Variants in GRIA3 observed in about 807,000 individuals in gnomAD.
GRIA3 encodes glutamate ionotropic receptor AMPA type subunit 3.
Under a neutral mutation model 63.0 loss-of-function variants are expected in GRIA3, and 3 were observed. The ratio of observed to expected loss-of-function variants is 0.05; its 90% confidence interval spans 0.02 to 0.12. The LOEUF (loss-of-function observed/expected upper bound fraction) is 0.12. Ranked by LOEUF, GRIA3 falls within the 10% of genes least tolerant of loss-of-function variation. The probability of loss-of-function intolerance (pLI) is 1.00; values close to 1 mark genes in which losing one functional copy is unlikely to be tolerated. For missense variants in GRIA3, 347 were observed against 700.9 expected (o/e 0.50, Z 5.70); for synonymous variants, 274 against 257.9 (o/e 1.06, Z -0.60).
At position 123,396,458 on chromosome X, in the gene GRIA3, G is replaced by A. The variant is rs190626473; in HGVS notation, c.912+1329G>A. ...TTAAATGGTACCCTGTGGTTGTAGC[G>A]ATTATGCCTGCCAGATTTTTCCAAG... On this transcript the variant is annotated intron_variant, in intron 6 of 15. Transcript: ENST00000620443. 1.3e-3 allele frequency among the ~76,000 whole-genome samples: 144 copies of A among 110,399 alleles called. 1 individual carries two copies. Among genetic ancestry groups the A allele is most frequent in the African/African-American group, 4.6e-3 (141 of 30,427 alleles).
At chrX:123,415,176 G>C (rs2045530088) in intron 10 of GRIA3, among the ~76,000 whole-genome samples, 1 of 112,003 alleles carries the variant, frequency 8.9e-6, no homozygotes, top group Non-Finnish European at 1.9e-5. Flanking sequence ...GACCAGTGAT[G>C]ATGAGCATTT....
intron 12 of GRIA3, among the ~76,000 whole-genome samples, chrX:123,456,002 A>C (rs935257059): frequency 9.0e-6 from 1 of 111,730 alleles, no homozygotes; most frequent in African/African-American, 3.3e-5. Flanking sequence ...GCAAGCACAC[A>C]GCTTTTTTCA....
intron 2 of GRIA3, among the ~76,000 whole-genome samples, chrX:123,197,796 G>A (rs1214517364): frequency 8.9e-6 from 1 of 112,516 alleles, no homozygotes; most frequent in Non-Finnish European, 1.9e-5. Context: ...CTTACTAGCT[G>A]TGAGACCTTG....
chrX:123,458,540 C>A (rs781565676), intron 12 of GRIA3, among the ~76,000 whole-genome samples: 1 of 111,555 alleles, frequency 9.0e-6, no homozygotes, highest in African/African-American at 3.3e-5. Context: ...GAAGCTATCA[C>A]TTCACCGGGT....
At chrX:123,229,016 G>C (rs984391328) in intron 2 of GRIA3, among the ~76,000 whole-genome samples, 3 of 111,420 alleles carry the variant, frequency 2.7e-5, no homozygotes, top group Non-Finnish European at 5.7e-5. Flanking sequence ...GGAATTTCTC[G>C]CTGGGGTTGA....
At chrX:123,188,943 G>A (rs1927350592) in intron 2 of GRIA3, among the ~76,000 whole-genome samples, 2 of 111,936 alleles carry the variant, frequency 1.8e-5, no homozygotes, top group Admixed American at 9.4e-5. Flanking sequence ...GTTTCCTTGC[G>A]ATGAATCCCA....
chrX:123,238,643 C>G lies in GRIA3; in HGVS notation c.269-14660C>G, dbSNP rs185528329. The stretch of plus-strand genomic sequence containing the variant: ...GTTTCATTTATTTTTAATGCTAGGT[C>G]ATGACTCACTACATTGATTTCATAA... On this transcript the variant is annotated intron_variant, in intron 2 of 15. Transcript: ENST00000620443. 2.6e-3 allele frequency among the ~76,000 whole-genome samples: 294 copies of G among 112,223 alleles called. 2 individuals carry two copies. Among genetic ancestry groups the G allele is most frequent in the African/African-American group, 9.3e-3 (288 of 30,904 alleles).
intron 3 of GRIA3, among the ~76,000 whole-genome samples, chrX:123,321,739 A>G (rs1454253556): frequency 8.9e-6 from 1 of 112,176 alleles, no homozygotes; most frequent in African/African-American, 3.2e-5. Flanking sequence ...GTCACAGATG[A>G]ATCCCCCAGA....
At chrX:123,409,287 C>T (rs1025448438) in intron 10 of GRIA3, among the ~76,000 whole-genome samples, 1 of 111,951 alleles carries the variant, frequency 8.9e-6, no homozygotes, top group African/African-American at 3.3e-5. Context: ...GAAGAAAGCT[C>T]TGCAAGGGAG....
intron 5 of GRIA3, among the ~76,000 whole-genome samples, chrX:123,362,678 T>C (rs2045183567): frequency 9.2e-6 from 1 of 109,018 alleles, no homozygotes; most frequent in Admixed American, 9.8e-5. Context: ...TGGATGAGTT[T>C]TATGTGATAT....
intron 5 of GRIA3, among the ~76,000 whole-genome samples, chrX:123,365,228 T>A: frequency 9.0e-6 from 1 of 111,234 alleles, no homozygotes; most frequent in Non-Finnish European, 1.9e-5. Flanking sequence ...ATGTACACAA[T>A]TATGATTTGT....
intron 5 of GRIA3, among the ~76,000 whole-genome samples, chrX:123,373,750 T>A (rs1418664278): frequency 8.9e-6 from 1 of 112,127 alleles, no homozygotes; most frequent in Non-Finnish European, 1.9e-5. Flanking sequence ...AGATTCTGGA[T>A]ATTAGCCCTT....
chrX:123,257,766 A>T (rs1408606404), intron 3 of GRIA3, among the ~76,000 whole-genome samples: 1 of 111,818 alleles, frequency 8.9e-6, no homozygotes, highest in Non-Finnish European at 1.9e-5. Flanking sequence ...ACTCTACTGT[A>T]TAAGGGCAGG....
At chrX:123,352,360 G>T (rs755377266) in intron 4 of GRIA3, among the ~76,000 whole-genome samples, 1 of 112,629 alleles carries the variant, frequency 8.9e-6, no homozygotes, top group Non-Finnish European at 1.9e-5. Flanking sequence ...GATTACAGGC[G>T]TAAGCCACCG....
At chrX:123,466,653 G>T (rs780124074) in intron 13 of GRIA3, among the ~76,000 whole-genome samples, 74 of 112,333 alleles carry the variant, frequency 6.6e-4, no homozygotes, top group Non-Finnish European at 1.2e-3. Flanking sequence ...GCGATACAAA[G>T]TCATGGAAAC....
intron 3 of GRIA3, among the ~76,000 whole-genome samples, chrX:123,299,924 G>GTT (rs34959822): frequency 0.022 from 2,383 of 109,196 alleles, 59 homozygotes; most frequent in African/African-American, 0.075. Context: ...TTTATTTAGA[G>GTT]TTTTTTAACA....
At chrX:123,320,442 A>G (rs757999096) in intron 3 of GRIA3, among the ~76,000 whole-genome samples, 1 of 111,966 alleles carries the variant, frequency 8.9e-6, no homozygotes, top group East Asian at 2.8e-4. Context: ...GCACCTGGAA[A>G]AGGGAAGGGT....
At position 123,191,328 on chromosome X, in the gene GRIA3, G is replaced by GAT. The variant is rs749812237; in HGVS notation, c.268+5340_268+5341dup. 2.1e-4 allele frequency among the ~76,000 whole-genome samples: 24 copies of GAT among 112,034 alleles called. No individual in the cohort carries two copies. The South Asian group carries it at 8.6e-3, about 40-fold the overall frequency. On this transcript the variant is annotated intron_variant, in intron 2 of 15. Transcript: ENST00000620443. ...TGCAATTAAAACCCCAGGTGGGGGT[G>GAT]ATAGGTATTCTTCAGCAGCACTGTG... is the stretch of plus-strand genomic sequence containing the variant.
At chrX:123,395,269 T>C in intron 6 of GRIA3, 140 bp downstream of exon 6, 1 of 541,107 alleles carries the variant, frequency 1.8e-6, no homozygotes. Context: ...CAACTGCAGG[T>C]GATGCTATTG....
Sources: gnomAD v4.1 joint callset for allele counts (sites outside exome capture counted in the v4.1 genomes callset) on GRCh38, gnomAD v4.1.1 for gene constraint, MANE v1.5 for transcripts, NCBI Gene and HGNC (gene_info 2026-07-23, HGNC 2026-07-21) for gene names.